MAN2A1: variants seen among roughly 807,000 people sequenced by gnomAD.
MAN2A1 encodes mannosidase alpha class 2A member 1.
In MAN2A1, 76 loss-of-function variants were observed where a neutral mutation model predicts 142.6. That is an observed-to-expected ratio of 0.53 (90% CI 0.44 to 0.65). The LOEUF (loss-of-function observed/expected upper bound fraction) is 0.65, where lower values mean the gene tolerates loss of function less well. Ranked by LOEUF, MAN2A1 falls within the 30% of genes least tolerant of loss-of-function variation. The pLI is 0.00. For missense variants in MAN2A1, 1,311 were observed against 1,365.1 expected (o/e 0.96, Z 0.62); for synonymous variants, 559 against 473.2 (o/e 1.18, Z -2.35).
intron 4 of MAN2A1, among the ~76,000 whole-genome samples, chr5:109,731,352 GTTT>G (rs1751902096): frequency 7.4e-6 from 1 of 135,612 alleles, no homozygotes; most frequent in Middle Eastern, 3.5e-3. Context: ...AGGAAAGCGT[GTTT>G]CTTTTTTTTA....
chr5:109,765,713 GTTTA>G (rs931749734), intron 5 of MAN2A1, among the ~76,000 whole-genome samples: 113 of 152,100 alleles, frequency 7.4e-4, no homozygotes, highest in African/African-American at 2.5e-3. Context: ...CTTATTTTCT[GTTTA>G]TTTATTTATA....
chr5:109,744,351 G>A (rs1250294857), intron 4 of MAN2A1, among the ~76,000 whole-genome samples: 1 of 152,116 alleles, frequency 6.6e-6, no homozygotes, highest in Non-Finnish European at 1.5e-5. Context: ...ACTAGAACTA[G>A]CCAGTCAAGA....
At chr5:109,757,862 A>G (rs1428913048) in intron 5 of MAN2A1, among the ~76,000 whole-genome samples, 1 of 152,156 alleles carries the variant, frequency 6.6e-6, no homozygotes, top group Non-Finnish European at 1.5e-5. Context: ...GTATTATAGC[A>G]TATATCAGTG....
At chr5:109,853,705 G>C (rs1489812945) in intron 19 of MAN2A1, 2 of 152,122 alleles carry the variant, frequency 1.3e-5, no homozygotes, top group Non-Finnish European at 2.9e-5. Flanking sequence ...TCCTAACTTA[G>C]ATTATGAAGT....
intron 5 of MAN2A1, among the ~76,000 whole-genome samples, chr5:109,756,180 C>T (rs551127856): frequency 6.6e-6 from 1 of 152,104 alleles, no homozygotes; most frequent in South Asian, 2.1e-4. Context: ...AGAATGGGTC[C>T]TCCATATGAG....
Position 109,716,215 on chromosome 5 carries a change from C to T in MAN2A1, c.486C>T (p.Asp162=). 2 of 1,610,830 alleles carry T rather than the reference C, an allele frequency of 1.2e-6. No individual in the cohort carries two copies. The highest frequency in any genetic ancestry group is 1.7e-6 in the Non-Finnish European group (2 of 1,178,022). ...FDITYESNEW[D]TEPLQVFVVP... The stretch of plus-strand genomic sequence containing the variant: ...TTACTTATGAATCTAATGAATGGGA[C>T]ACTGAACCCCTTCAAGTCTTTGTGG... The change falls in exon 3 of 22, where the codon GAC becomes GAT. Residue 162 remains aspartate, a synonymous_variant. Transcript: ENST00000261483.
rs576385848 is a variant in MAN2A1 at position 109,793,168 on chromosome 5, G to A, written c.1943+3641G>A. ...CTCAGTTCACATACCTTTCATGTAC[G>A]GAGTAACCTCACCCACCTCCCAAGA... On this transcript the variant is annotated intron_variant, in intron 12 of 21. Coordinates refer to ENST00000261483, the MANE Select transcript of MAN2A1 (RefSeq NM_002372.4). Among the ~76,000 whole-genome samples the A allele has an allele frequency of 6.6e-5, 10 of 152,094 alleles. No individual in the cohort carries two copies. The South Asian group carries it at 1.2e-3, about 19-fold the overall frequency.
chr5:109,770,753 A>T (rs1486404178), intron 7 of MAN2A1, among the ~76,000 whole-genome samples: 1 of 152,096 alleles, frequency 6.6e-6, no homozygotes, highest in East Asian at 1.9e-4. Flanking sequence ...ACAATACTAG[A>T]TCAATATACA....
intron 12 of MAN2A1, among the ~76,000 whole-genome samples, chr5:109,805,098 A>G (rs1431362773): frequency 1.3e-5 from 2 of 152,178 alleles, no homozygotes; most frequent in African/African-American, 2.4e-5. Flanking sequence ...TGACAAGGAA[A>G]TAGAACATCT....
chr5:109,819,870 C>A lies in MAN2A1; in HGVS notation c.2311C>A (p.Gln771Lys). ...CTCCTTTGTTTTACTTCGGTTTGAT[C>A]AAACTGGACTTATGAAGGTATGTTC... ...ENSFVLLRFD[Q>K]TGLMKQMMTK... The change falls in exon 14 of 22, where the codon CAA becomes AAA. Residue 771 changes from glutamine to lysine, a missense_variant. Coordinates refer to ENST00000261483, the MANE Select transcript of MAN2A1 (RefSeq NM_002372.4). 5.7e-6 allele frequency: 9 copies of A among 1,589,080 alleles called. No individual in the cohort carries two copies. The South Asian group carries it at 6.9e-5, about 12-fold the overall frequency.
intron 16 of MAN2A1, among the ~76,000 whole-genome samples, chr5:109,839,331 G>A (rs925402642): frequency 3.9e-5 from 6 of 152,242 alleles, no homozygotes; most frequent in African/African-American, 9.6e-5. Context: ...GATGCATTTC[G>A]TAGGTCAGAG....
chr5:109,749,290 C>A (rs541071698), intron 4 of MAN2A1, among the ~76,000 whole-genome samples: 1 of 152,110 alleles, frequency 6.6e-6, no homozygotes, highest in Non-Finnish European at 1.5e-5. Context: ...AAAAGTGACA[C>A]TCAGAGAAAA....
At chr5:109,814,637 C>G (rs1002213110) in intron 12 of MAN2A1, among the ~76,000 whole-genome samples, 1 of 152,086 alleles carries the variant, frequency 6.6e-6, no homozygotes, top group Non-Finnish European at 1.5e-5. Flanking sequence ...TCATTCAGTA[C>G]AGTAGAAACA....
At chr5:109,834,541 A>G (rs1561535992) in intron 16 of MAN2A1, among the ~76,000 whole-genome samples, 1 of 152,158 alleles carries the variant, frequency 6.6e-6, no homozygotes, top group Non-Finnish European at 1.5e-5. Flanking sequence ...AACATTTGCA[A>G]TTCATATGAT....
At chr5:109,824,149 G>C (rs1482109562) in intron 16 of MAN2A1, among the ~76,000 whole-genome samples, 1 of 152,120 alleles carries the variant, frequency 6.6e-6, no homozygotes, top group Admixed American at 6.6e-5. Flanking sequence ...TTATGAAATG[G>C]AAATTATATT....
At position 109,807,103 on chromosome 5, in the gene MAN2A1, CCAT is replaced by C. The variant is rs1754185350; in HGVS notation, c.1944-10166_1944-10164del. Among the ~76,000 whole-genome samples the C allele has an allele frequency of 2.6e-5, 4 of 152,124 alleles. No individual in the cohort carries two copies. The East Asian group carries it at 7.7e-4, about 29-fold the overall frequency. ...TTAACCAGCTAGTAGCTTCCAGAAA[CCAT>C]CATTTAAAATTTTTCCCTTGTGAAT... On this transcript the variant is annotated intron_variant, in intron 12 of 21. Transcript: ENST00000261483.
rs903243705 is a variant in MAN2A1, at chr5:109,765,920, C to T, written c.836-1615C>T. Among the ~76,000 whole-genome samples, 6 of 152,042 alleles carry T rather than the reference C, an allele frequency of 3.9e-5. No individual in the cohort carries two copies. The South Asian group carries it at 1.2e-3, about 31-fold the overall frequency. On this transcript the variant is annotated intron_variant, in intron 5 of 21. Coordinates refer to ENST00000261483, the MANE Select transcript of MAN2A1 (RefSeq NM_002372.4). Reference sequence around the variant, plus strand: ...ATATTCCAGGCTATCATGTACTTTCCTGGCTTCAGCCTTGGAATAAGCTAT... The same window carrying T: ...ATATTCCAGGCTATCATGTACTTTCTTGGCTTCAGCCTTGGAATAAGCTAT...
intron 12 of MAN2A1, among the ~76,000 whole-genome samples, chr5:109,793,141 A>G (rs143524956): frequency 6.6e-6 from 1 of 152,100 alleles, no homozygotes; most frequent in African/African-American, 2.4e-5. Context: ...CCTATAGGCT[A>G]CCTCAGTTCA....
chr5:109,699,453 A>G (rs1360112608), intron 1 of MAN2A1: 1 of 152,194 alleles, frequency 6.6e-6, no homozygotes, highest in Non-Finnish European at 1.5e-5. Flanking sequence ...TGAAAATTGC[A>G]AAGAGTAGAT....
Sources: allele counts gnomAD v4.1 joint callset (sites outside exome capture counted in the v4.1 genomes callset), GRCh38; gene constraint gnomAD v4.1.1; transcripts MANE v1.5; gene names NCBI Gene and HGNC (gene_info 2026-07-23, HGNC 2026-07-21).